TMEM248: variants seen among roughly 807,000 people sequenced by gnomAD.
TMEM248 encodes the protein transmembrane protein 248.
TMEM248 carries 9 observed loss-of-function variants against 30.3 expected under a neutral mutation model. That is an observed-to-expected ratio of 0.30 (90% confidence interval 0.18 to 0.52). TMEM248 has a LOEUF of 0.52. Among genes scored for constraint, TMEM248 ranks in the 20% least tolerant of loss-of-function variants. TMEM248 has a pLI of 0.97. For missense variants in TMEM248, 338 were observed against 403.3 expected (o/e 0.84, Z 1.39); for synonymous variants, 184 against 154.4 (o/e 1.19, Z -1.42).
At chr7:66,950,391 T>C (rs1388701998) in intron 4 of TMEM248, among the ~76,000 whole-genome samples, 1 of 152,104 alleles carries the variant, frequency 6.6e-6, no homozygotes, top group South Asian at 2.1e-4. Flanking sequence ...CCATGAGATA[T>C]GATGGTTTTA....
At chr7:66,933,140 G>A (rs180899637) in intron 1 of TMEM248, among the ~76,000 whole-genome samples, 5 of 152,316 alleles carry the variant, frequency 3.3e-5, no homozygotes, top group Admixed American at 2.0e-4. Flanking sequence ...GATTACAGGC[G>A]TGAGCCACTG....
intron 3 of TMEM248, among the ~76,000 whole-genome samples, chr7:66,947,235 A>G (rs1334398273): frequency 6.6e-6 from 1 of 150,880 alleles, no homozygotes; most frequent in African/African-American, 2.4e-5. Context: ...AAAAAAAAAA[A>G]CAAGAAACAA....
At chr7:66,926,639 C>CAAA (rs200106499) in intron 1 of TMEM248, among the ~76,000 whole-genome samples, 53 of 86,602 alleles carry the variant, frequency 6.1e-4, no homozygotes, top group East Asian at 3.9e-3. Context: ...CCATCTGAAA[C>CAAA]AAAAAAAAAA....
chr7:66,958,208 C>G lies in TMEM248; in HGVS notation c.*2686C>G, dbSNP rs564242951. Reference sequence around the variant, plus strand: ...TGGAGGGCCAGCAGAAGGTCAGCAACTTACTCTTAAAACGATTGTTTCGGA... The same window carrying G: ...TGGAGGGCCAGCAGAAGGTCAGCAAGTTACTCTTAAAACGATTGTTTCGGA... On this transcript the variant is annotated 3_prime_UTR_variant, in exon 7 of 7. Transcript: ENST00000341567. 1 of 152,886 alleles carries G rather than the reference C, an allele frequency of 6.5e-6. No individual in the cohort carries two copies. The highest frequency in any genetic ancestry group is 6.5e-5 in the Admixed American group (1 of 15,300). 9.5% of individuals were successfully genotyped at this position (152,886 alleles called of 1,614,324 possible). A position where few individuals can be genotyped will look rare whatever the true frequency, so the allele number is the denominator to read the frequency against.
At chr7:66,940,015 G>A (rs1237281497) in intron 1 of TMEM248, among the ~76,000 whole-genome samples, 4 of 151,870 alleles carry the variant, frequency 2.6e-5, no homozygotes, top group Admixed American at 6.6e-5. Flanking sequence ...GTGCAGTGGC[G>A]TGATCCTGTC....
intron 2 of TMEM248, among the ~76,000 whole-genome samples, chr7:66,943,961 A>AT (rs1792030763): frequency 6.6e-6 from 1 of 151,860 alleles, no homozygotes; most frequent in Non-Finnish European, 1.5e-5. Context: ...TGTCCAGCTA[A>AT]TTTTTGTATT....
At chr7:66,952,847 A>T (rs1792303532) in intron 5 of TMEM248, among the ~76,000 whole-genome samples, 1 of 152,210 alleles carries the variant, frequency 6.6e-6, no homozygotes, top group African/African-American at 2.4e-5. Flanking sequence ...TCAGCCATGC[A>T]ACCTGAGGGC....
intron 1 of TMEM248, among the ~76,000 whole-genome samples, chr7:66,923,774 C>T (rs910268151): frequency 2.0e-5 from 3 of 152,078 alleles, no homozygotes; most frequent in Non-Finnish European, 4.4e-5. Context: ...TGGGTTCAAG[C>T]GATTCCTCAG....
At chr7:66,939,726 G>C (rs1311083608) in intron 1 of TMEM248, among the ~76,000 whole-genome samples, 2 of 152,094 alleles carry the variant, frequency 1.3e-5, no homozygotes, top group Admixed American at 6.6e-5. Flanking sequence ...TGTGCTCTTG[G>C]TTGATGCTAA....
intron 2 of TMEM248, 26 bp downstream of exon 2, chr7:66,942,050 G>A (rs1183747794): frequency 2.5e-6 from 4 of 1,605,404 alleles, no homozygotes; most frequent in African/African-American, 2.7e-5. Context: ...ACTTCTCCCG[G>A]GCTGGCTGGT....
In TMEM248 at chr7:66,929,426, A is replaced by ATT. The variant is rs35126436; in HGVS notation, c.-19+7992_-19+7993dup. On this transcript the variant is annotated intron_variant, in intron 1 of 6. Transcript: ENST00000341567. ...ACAATATCATGGAAATGAGAGACAA[A>ATT]TTTTTTTTTTTTTTTTTTTTTTTTT... is the stretch of plus-strand genomic sequence containing the variant. Among the ~76,000 whole-genome samples, 935 of 97,656 alleles carry ATT rather than the reference A, an allele frequency of 9.6e-3. 70 individuals carry two copies. Among genetic ancestry groups the ATT allele is most frequent in the South Asian group, 0.011 (25 of 2,328 alleles). The allele number at this position is 97,656 out of a possible 152,430, so 64.1% of individuals were successfully genotyped here. A position where few individuals can be genotyped will look rare whatever the true frequency, so the allele number is the denominator to read the frequency against.
chr7:66,924,550 G>C (rs1791473252), intron 1 of TMEM248, among the ~76,000 whole-genome samples: 1 of 152,040 alleles, frequency 6.6e-6, no homozygotes, highest in Non-Finnish European at 1.5e-5. Flanking sequence ...GATTACAGAT[G>C]CCCGCCACCA....
chr7:66,931,821 T>C lies in TMEM248; in HGVS notation c.-18-10027T>C, dbSNP rs761729980. On this transcript the variant is annotated intron_variant, in intron 1 of 6. Transcript: ENST00000341567. ...TTTTTTTTTTTTTTTTTTTTTTTTT[T>C]TGAGGCAGAGTCTCGCTCTGTCACC... Among the ~76,000 whole-genome samples, 1,153 of 139,456 alleles carry C rather than the reference T, an allele frequency of 8.3e-3. 18 individuals are homozygous for C. The highest frequency in any genetic ancestry group is 0.058 in the East Asian group (259 of 4,490). The allele number at this position is 139,456 out of a possible 152,430, so 91.5% of individuals were successfully genotyped here. A position where few individuals can be genotyped will look rare whatever the true frequency, so the allele number is the denominator to read the frequency against.
intron 3 of TMEM248, among the ~76,000 whole-genome samples, chr7:66,947,214 C>CAAAAAA (rs565294304): frequency 3.4e-5 from 2 of 58,814 alleles, no homozygotes; most frequent in African/African-American, 7.1e-5. Flanking sequence ...GACCCTGTCT[C>CAAAAAA]AAAAAAAAAA....
intron 1 of TMEM248, among the ~76,000 whole-genome samples, chr7:66,932,224 CTG>C (rs140551215): frequency 0.037 from 5,562 of 152,234 alleles, 347 homozygotes; most frequent in African/African-American, 0.13. Context: ...ACACAATTAA[CTG>C]TGTTTTTGTT....
chr7:66,950,684 G>A (rs1792239474), intron 4 of TMEM248, among the ~76,000 whole-genome samples: 1 of 152,150 alleles, frequency 6.6e-6, no homozygotes, highest in African/African-American at 2.4e-5. Flanking sequence ...GAGGACTGTA[G>A]GCTGAATTCT....
rs1013886887 is a variant in TMEM248, at chr7:66,938,068, G to A, written c.-18-3780G>A. ...TGATGTGTGTCTTTATAGGTAGGGT[G>A]TGTTTCTTGTAGGCAACACATCGTT... is the stretch of plus-strand genomic sequence containing the variant. On this transcript the variant is annotated intron_variant, in intron 1 of 6. Coordinates refer to ENST00000341567, the MANE Select transcript of TMEM248 (RefSeq NM_017994.5). 3.9e-5 allele frequency among the ~76,000 whole-genome samples: 6 copies of A among 152,154 alleles called. No individual in the cohort carries two copies. The East Asian group carries it at 1.2e-3, about 29-fold the overall frequency.
Position 66,948,551 on chromosome 7 carries a change from A to G in TMEM248, c.453A>G (p.Glu151=). 6.2e-7 allele frequency: 1 copy of G among 1,613,496 alleles called. No homozygotes were observed. The highest frequency in any genetic ancestry group is 8.5e-7 in the Non-Finnish European group (1 of 1,179,708). Residue 151 remains glutamate, a synonymous_variant, in exon 4 of 7, where the codon GAA becomes GAG. Transcript: ENST00000341567. ...ATGATTTCTCTTTCATAGGCAGGGA[A>G]GCCCACGAGGAGATAAACATCACCT... ...LGHQIGLSGR[E]AHEEINITFT... is the part of the protein sequence containing the mutation.
chr7:66,950,125 C>G (rs1792222211), intron 4 of TMEM248, among the ~76,000 whole-genome samples: 1 of 151,594 alleles, frequency 6.6e-6, no homozygotes, highest in African/African-American at 2.4e-5. Flanking sequence ...ACTTGAGAGG[C>G]TGAGGCAGGA....
Sources: allele counts gnomAD v4.1 joint callset (sites outside exome capture counted in the v4.1 genomes callset), GRCh38; gene constraint gnomAD v4.1.1; transcripts MANE v1.5; gene names NCBI Gene and HGNC (gene_info 2026-07-23, HGNC 2026-07-21).